The following RASGRF2 variants were observed in gnomAD, a reference collection of about 807,000 sequenced individuals.
RASGRF2 encodes ras-specific guanine nucleotide-releasing factor 2.
In RASGRF2, 76 loss-of-function variants were observed where a neutral mutation model predicts 151.0. The ratio of observed to expected loss-of-function variants is 0.50; its 90% CI spans 0.42 to 0.61. The LOEUF (loss-of-function observed/expected upper bound fraction) is 0.61. RASGRF2 is among the 20% of genes least tolerant of loss of function. The pLI is 0.00. For missense variants in RASGRF2, 1,148 were observed against 1,564.6 expected, an observed-to-expected ratio of 0.73 and a Z score of 4.49; for synonymous variants, 504 against 566.5, an observed-to-expected ratio of 0.89 and a Z score of 1.57.
In RASGRF2 at chr5:80,980,038, A is replaced by G. The variant is rs147171379; in HGVS notation, c.288+19012A>G. On this transcript the variant is annotated intron_variant, in intron 1 of 26. Coordinates refer to ENST00000265080, the MANE Select transcript of RASGRF2 (RefSeq NM_006909.3). ...TTTGGCAGTGGGTTTTCATTTTTTC[A>G]TATTCTTCCATTTGGCTTAGAGAAT... is the stretch of plus-strand genomic sequence containing the variant. Among the ~76,000 whole-genome samples the G allele has an allele frequency of 6.6e-3, 1,002 of 152,194 alleles. 8 individuals carry two copies. The highest frequency in any genetic ancestry group is 0.023 in the African/African-American group (956 of 41,526).
intron 1 of RASGRF2, among the ~76,000 whole-genome samples, chr5:80,975,789 C>T (rs912522546): frequency 6.6e-6 from 1 of 151,648 alleles, no homozygotes; most frequent in Non-Finnish European, 1.5e-5. Context: ...TTTCTCATAC[C>T]TGATATCTGT....
chr5:81,039,357 A>C (rs1352006491), intron 1 of RASGRF2, among the ~76,000 whole-genome samples: 2 of 152,166 alleles, frequency 1.3e-5, no homozygotes, highest in Non-Finnish European at 2.9e-5. Flanking sequence ...GTAAACACTA[A>C]CCAAAAGACA....
intron 1 of RASGRF2, among the ~76,000 whole-genome samples, chr5:80,979,002 T>C (rs1334008737): frequency 6.6e-6 from 1 of 152,242 alleles, no homozygotes; most frequent in Non-Finnish European, 1.5e-5. Flanking sequence ...GTTTTAATAT[T>C]GAAAAGCTTT....
chr5:81,007,755 G>C (rs2112306384), intron 1 of RASGRF2, among the ~76,000 whole-genome samples: 1 of 152,244 alleles, frequency 6.6e-6, no homozygotes, highest in East Asian at 1.9e-4. Flanking sequence ...GTGCAACTGA[G>C]ACAGAAGGAT....
intron 1 of RASGRF2, among the ~76,000 whole-genome samples, chr5:80,981,716 C>A (rs182906898): frequency 1.3e-5 from 2 of 152,202 alleles, no homozygotes; most frequent in Admixed American, 6.5e-5. Flanking sequence ...CAGGCCTGCA[C>A]CATCACACGT....
At chr5:81,132,162 G>A (rs909737978) in intron 17 of RASGRF2, among the ~76,000 whole-genome samples, 1 of 151,972 alleles carries the variant, frequency 6.6e-6, no homozygotes, top group Non-Finnish European at 1.5e-5. Context: ...GATCGACGAG[G>A]GCAGAGATTT....
chr5:80,964,393 G>C (rs1389619458), intron 1 of RASGRF2, among the ~76,000 whole-genome samples: 3 of 152,036 alleles, frequency 2.0e-5, no homozygotes, highest in Admixed American at 2.0e-4. Context: ...TATTTAGCAA[G>C]TACCTTCTAC....
chr5:81,063,960 G>C (rs1450414607), intron 2 of RASGRF2, among the ~76,000 whole-genome samples: 1 of 151,920 alleles, frequency 6.6e-6, no homozygotes, highest in Non-Finnish European at 1.5e-5. Context: ...TGTTCATTTG[G>C]GGCTGTGTTT....
rs34679424 is a variant in RASGRF2, at chr5:81,085,906, A to G, written c.1266A>G (p.Leu422=). ...LEFAKSKLEE[L]SRVMHDEVSD... is the part of the protein sequence containing the mutation. ...TTGCCAAATCAAAGCTAGAGGAACT[A>G]TCCAGGTATGCCAAGAACTTATAAC... The change falls in exon 8 of 27, where the codon CTA becomes CTG. Residue 422 remains leucine, a synonymous_variant. Transcript: ENST00000265080. The G allele has an allele frequency of 0.012, 18,782 of 1,614,150 alleles. 138 individuals carry two copies. The highest frequency in any genetic ancestry group is 0.013 in the Middle Eastern group (78 of 6,062).
chr5:81,134,470 C>T (rs1320323742), intron 17 of RASGRF2, among the ~76,000 whole-genome samples: 1 of 152,034 alleles, frequency 6.6e-6, no homozygotes, highest in African/African-American at 2.4e-5. Flanking sequence ...ACTGGCTCTC[C>T]AGGTGTGATC....
chr5:81,134,079 C>T lies in RASGRF2; in HGVS notation c.2686+6916C>T, dbSNP rs201247988. Among the ~76,000 whole-genome samples the T allele has an allele frequency of 1.2e-3, 177 of 143,794 alleles. 1 individual carries two copies. Among genetic ancestry groups the T allele is most frequent in the South Asian group, 3.6e-3 (16 of 4,420 alleles). The allele number at this position is 143,794 out of a possible 152,430, so 94.3% of individuals were successfully genotyped here. ...AAGCCAAGTAGGAAATGCTTGTGTG[C>T]GTGTGTGTGTGTGTGTGTGTGTGTG... On this transcript the variant is annotated intron_variant, in intron 17 of 26. Transcript: ENST00000265080.
chr5:80,964,076 C>T (rs1364224425), intron 1 of RASGRF2, among the ~76,000 whole-genome samples: 1 of 150,232 alleles, frequency 6.7e-6, no homozygotes, highest in East Asian at 1.9e-4. Flanking sequence ...TCCAAATATG[C>T]TTAGATTGTA....
chr5:80,960,587 C>A lies in RASGRF2; in HGVS notation c.-152C>A. ...ACCGCGCGCCGCGGCCTCCCGAAAG[C>A]GGGCGGGGTGCCCTGCGCGCGGCGT... On this transcript the variant is annotated 5_prime_UTR_variant, in exon 1 of 27. Transcript: ENST00000265080. This position sits in a 1 kb window ranked among gnomAD's most constrained non-coding sequence, Gnocchi z 5.5. The A allele has an allele frequency of 2.8e-6, 2 of 715,494 alleles. No individual in the cohort carries two copies. The highest frequency in any genetic ancestry group is 3.8e-6 in the Non-Finnish European group (2 of 523,678). 44.3% of individuals were successfully genotyped at this position (715,494 alleles called of 1,614,324 possible).
At chr5:81,160,638 C>T (rs993291214) in intron 17 of RASGRF2, among the ~76,000 whole-genome samples, 3 of 151,310 alleles carry the variant, frequency 2.0e-5, no homozygotes, top group Admixed American at 2.0e-4. Context: ...CGCCACTGCA[C>T]CACTGCACTC....
chr5:81,218,585 G>A (rs1755795036), intron 25 of RASGRF2, among the ~76,000 whole-genome samples: 1 of 152,156 alleles, frequency 6.6e-6, no homozygotes, highest in Non-Finnish European at 1.5e-5. Flanking sequence ...GTACCACGCT[G>A]TTTTGGTGAC....
At chr5:81,209,717 A>C (rs1755589608) in intron 22 of RASGRF2, among the ~76,000 whole-genome samples, 1 of 152,174 alleles carries the variant, frequency 6.6e-6, no homozygotes, top group Non-Finnish European at 1.5e-5. Context: ...CAGGGGATAT[A>C]ATGGACACTC....
chr5:81,051,327 A>T (rs898571150), intron 2 of RASGRF2, among the ~76,000 whole-genome samples: 1 of 152,238 alleles, frequency 6.6e-6, no homozygotes, highest in African/African-American at 2.4e-5. Context: ...ATTTTTTAAA[A>T]TCAAGATATA....
At chr5:81,127,923 C>CAAAAAAAAAAAAAAAAA (rs60196392) in intron 17 of RASGRF2, among the ~76,000 whole-genome samples, 12 of 64,876 alleles carry the variant, frequency 1.8e-4, no homozygotes, top group African/African-American at 3.0e-4. Context: ...GACTCCGTCT[C>CAAAAAAAAAAAAAAAAA]AAAAAAAAAA....
chr5:81,034,809 G>GGCGA (rs1554087633), intron 1 of RASGRF2, among the ~76,000 whole-genome samples: 1 of 84,134 alleles, frequency 1.2e-5, no homozygotes, highest in African/African-American at 4.2e-5. Flanking sequence ...TGGGGTGGGA[G>GGCGA]GGGGGTAGGG....
Sources: gnomAD v4.1 joint callset for allele counts (sites outside exome capture counted in the v4.1 genomes callset) on GRCh38, gnomAD v4.1.1 for gene constraint, Gnocchi (gnomAD v3.1) non-coding constraint, MANE v1.5 for transcripts, NCBI Gene and HGNC (gene_info 2026-07-23, HGNC 2026-07-21) for gene names.